Variants in DMTN observed in about 807,000 individuals in gnomAD.
DMTN encodes dematin actin binding protein.
In DMTN, 27 loss-of-function variants were observed where a neutral mutation model predicts 59.4. That is an observed-to-expected ratio of 0.45 (90% CI 0.33 to 0.63). The LOEUF (loss-of-function observed/expected upper bound fraction) is 0.63. Among genes scored for constraint, DMTN ranks in the 20% least tolerant of loss-of-function variants. DMTN has a pLI of 0.02. For missense variants in DMTN, 451 were observed against 528.9 expected (o/e 0.85, Z 1.45); for synonymous variants, 221 against 203.7 (o/e 1.08, Z -0.72).
At chr8:22,064,235 C>T (rs1404943800) in intron 1 of DMTN, among the ~76,000 whole-genome samples, 1 of 152,182 alleles carries the variant, frequency 6.6e-6, no homozygotes, top group Admixed American at 6.5e-5. Context: ...AGCATTTGCC[C>T]CTAGGCCTAA....
intron 10 of DMTN, among the ~76,000 whole-genome samples, chr8:22,075,163 G>A (rs1818712217): frequency 6.9e-6 from 1 of 145,726 alleles, no homozygotes; most frequent in South Asian, 2.3e-4. Context: ...CTCCAGCCTA[G>A]GGAACAGCGT....
At chr8:22,056,112 A>G (rs966866588), upstream of DMTN, among the ~76,000 whole-genome samples, 3 of 152,182 alleles carry the variant, frequency 2.0e-5, no homozygotes, top group Admixed American at 2.0e-4. Flanking sequence ...GGGAAGGCAC[A>G]TGCCTGTAAA....
chr8:22,079,907 T>A (rs1406306804), intron 10 of DMTN, among the ~76,000 whole-genome samples: 1 of 152,214 alleles, frequency 6.6e-6, no homozygotes, highest in African/African-American at 2.4e-5. Flanking sequence ...CTGACTCAAT[T>A]TTCACATCAG....
intron 10 of DMTN, among the ~76,000 whole-genome samples, chr8:22,075,738 C>G (rs1337504572): frequency 6.6e-6 from 1 of 152,078 alleles, no homozygotes; most frequent in Non-Finnish European, 1.5e-5. Context: ...AGGCTGCTCT[C>G]AAATTCCTGA....
intron 10 of DMTN, among the ~76,000 whole-genome samples, chr8:22,077,876 T>G (rs1820927184): frequency 6.6e-6 from 1 of 152,138 alleles, no homozygotes; most frequent in Non-Finnish European, 1.5e-5. Context: ...GGGGAAAATC[T>G]TCGTGCAGGG....
In DMTN at chr8:22,069,910, A is replaced by G; in HGVS notation, c.424A>G (p.Lys142Glu). The G allele has an allele frequency of 6.2e-7, 1 of 1,613,998 alleles. No homozygotes were observed. The highest frequency in any genetic ancestry group is 8.5e-7 in the Non-Finnish European group (1 of 1,179,964). ...CTCCCGCCCAGATTCCAACATCTACAAGAAGCCTCCCATCTATAAGCAGAG... is the reference window on the plus strand; with the variant it reads ...CTCCCGCCCAGATTCCAACATCTACGAGAAGCCTCCCATCTATAAGCAGAG... ...ETSRPDSNIY[K>E]KPPIYKQRES... Residue 142 changes from lysine (K) to glutamate (E), a missense_variant, in exon 7 of 16, where the codon AAG (lysine) becomes GAG (glutamate). By Grantham distance (56) the Lys-to-Glu change is moderately conservative. Coordinates refer to ENST00000358242, the MANE Select transcript of DMTN (RefSeq NM_001387751.1).
At chr8:22,052,623 G>C (rs1428110663), upstream of DMTN, among the ~76,000 whole-genome samples, 2 of 152,056 alleles carry the variant, frequency 1.3e-5, no homozygotes, top group Non-Finnish European at 2.9e-5. Context: ...GCAATTATTT[G>C]TTCTTTGGTG....
intron 5 of DMTN, 79 bp downstream of exon 5, chr8:22,069,139 C>G (rs746287623): frequency 7.8e-5 from 118 of 1,515,308 alleles, no homozygotes; most frequent in Non-Finnish European, 1.0e-4. Context: ...CACATCAGAC[C>G]AAGCTCTGCA....
intron 1 of DMTN, among the ~76,000 whole-genome samples, chr8:22,063,498 C>T (rs1264269660): frequency 6.6e-6 from 1 of 152,194 alleles, no homozygotes; most frequent in Non-Finnish European, 1.5e-5. Flanking sequence ...AGATTACGAC[C>T]TAACCCTAGG....
chr8:22,066,992 G>A (rs1482726370), intron 2 of DMTN, 93 bp from the exon 3 acceptor site: 12 of 1,281,096 alleles, frequency 9.4e-6, no homozygotes, highest in Non-Finnish European at 1.2e-5. Context: ...GCAGCGCCGC[G>A]CAGCGCCCCG....
At chr8:22,070,491 A>C in intron 8 of DMTN, 157 bp downstream of exon 8, 2 of 854,946 alleles carry the variant, frequency 2.3e-6, no homozygotes, top group Non-Finnish European at 3.4e-6. Flanking sequence ...CTCCTTGCTC[A>C]CTCACTCTCT....
At chr8:22,080,900 G>T in intron 14 of DMTN, 30 bp downstream of exon 14, 1 of 1,542,388 alleles carries the variant, frequency 6.5e-7, no homozygotes, top group Non-Finnish European at 8.8e-7. Flanking sequence ...AGCGCCTGTA[G>T]CGGGGCGGGA....
chr8:22,071,678 C>T (rs1186721432), intron 8 of DMTN, among the ~76,000 whole-genome samples: 3 of 152,110 alleles, frequency 2.0e-5, no homozygotes. Flanking sequence ...CTCCCGGGCT[C>T]ACGCTATTCT....
chr8:22,070,617 G>T (rs1211137182), intron 8 of DMTN, among the ~76,000 whole-genome samples: 1 of 152,190 alleles, frequency 6.6e-6, no homozygotes, highest in Non-Finnish European at 1.5e-5. Flanking sequence ...CAGGCTCTGT[G>T]AGGGGAGCAC....
intron 6 of DMTN, among the ~76,000 whole-genome samples, 167 bp downstream of exon 6, chr8:22,069,685 T>A (rs1813684000): frequency 6.6e-6 from 1 of 152,000 alleles, no homozygotes; most frequent in South Asian, 2.1e-4. Flanking sequence ...TGTCACTTTT[T>A]CTCTCTCCCC....
At chr8:22,067,369 A>G (rs962601190) in intron 3 of DMTN, among the ~76,000 whole-genome samples, 158 bp from the exon 4 acceptor site, 1 of 152,234 alleles carries the variant, frequency 6.6e-6, no homozygotes, top group African/African-American at 2.4e-5. Context: ...GCAAAGGACT[A>G]TCATGTTTTA....
Position 22,072,434 on chromosome 8 carries a change from G to T in DMTN, c.713G>T (p.Arg238Ile). ...EEMKALRERQ[R>I]EELSKVTSNL... Reference sequence around the variant, plus strand: ...ATGAAGGCTCTCAGGGAGCGTCAGAGAGAGGAACTCAGTAAGGTAGCATCT... The same window carrying T: ...ATGAAGGCTCTCAGGGAGCGTCAGATAGAGGAACTCAGTAAGGTAGCATCT... Residue 238 changes from arginine (R) to isoleucine (I), a missense_variant, in exon 9 of 16, where the codon AGA (arginine) becomes ATA (isoleucine). Arg to Ile is a moderately conservative substitution (Grantham distance 97, BLOSUM62 -3). Transcript: ENST00000358242. The T allele has an allele frequency of 6.4e-7, 1 of 1,571,746 alleles. No homozygotes were observed.
chr8:22,053,981 G>A (rs1801657195), upstream of DMTN, among the ~76,000 whole-genome samples: 3 of 152,176 alleles, frequency 2.0e-5, no homozygotes, highest in South Asian at 4.1e-4. Context: ...GGCCTTCCCA[G>A]GGGGAGGAGG....
rs775276004 is a variant in DMTN at position 22,069,908 on chromosome 8, A to T, written c.422A>T (p.Tyr141Phe). ...PETSRPDSNI[Y>F]KKPPIYKQRE... Reference sequence around the variant, plus strand: ...ACCTCCCGCCCAGATTCCAACATCTACAAGAAGCCTCCCATCTATAAGCAG... The same window carrying T: ...ACCTCCCGCCCAGATTCCAACATCTTCAAGAAGCCTCCCATCTATAAGCAG... Residue 141 changes from tyrosine (Y) to phenylalanine (F), a missense_variant, in exon 7 of 16, where the codon TAC (tyrosine) becomes TTC (phenylalanine). By Grantham distance (22) the Tyr-to-Phe change is conservative. Transcript: ENST00000358242. The T allele has an allele frequency of 6.2e-7, 1 of 1,613,992 alleles. No homozygotes were observed. Among genetic ancestry groups the T allele is most frequent in the South Asian group, 1.1e-5 (1 of 91,058 alleles).
Sources: gnomAD v4.1 joint callset for allele counts (sites outside exome capture counted in the v4.1 genomes callset) on GRCh38, gnomAD v4.1.1 for gene constraint, MANE v1.5 for transcripts, NCBI Gene and HGNC (gene_info 2026-07-23, HGNC 2026-07-21) for gene names.